Variants in ROBO2 observed in about 807,000 individuals in gnomAD.
ROBO2 encodes roundabout homolog 2.
In ROBO2, 53 loss-of-function variants were observed where a neutral mutation model predicts 160.8. The ratio of observed to expected loss-of-function variants is 0.33; its 90% CI spans 0.26 to 0.41. The LOEUF is 0.41. Ranked by LOEUF, ROBO2 falls within the 10% of genes least tolerant of loss-of-function variation. The pLI, the probability that ROBO2 is intolerant of heterozygous loss-of-function variation, is 1.00. For missense variants in ROBO2, 1,577 were observed against 1,722.4 expected, an observed-to-expected ratio of 0.92 and a Z score of 1.49; for synonymous variants, 664 against 611.7, an observed-to-expected ratio of 1.09 and a Z score of -1.26.
chr3:76,805,109 G>A (rs2064571985), intron 2 of ROBO2, among the ~76,000 whole-genome samples: 1 of 152,044 alleles, frequency 6.6e-6, no homozygotes, highest in Non-Finnish European at 1.5e-5. Context: ...AGTAGGCTCA[G>A]GGTAAATGTT....
chr3:76,069,472 A>G (rs2107946564), intron 2 of ROBO2, among the ~76,000 whole-genome samples: 1 of 151,376 alleles, frequency 6.6e-6, no homozygotes, highest in Admixed American at 6.6e-5. Context: ...ATATTGCCTT[A>G]GTTTCCTATT....
At chr3:77,263,491 T>C (rs892197098) in intron 2 of ROBO2, among the ~76,000 whole-genome samples, 3 of 152,124 alleles carry the variant, frequency 2.0e-5, no homozygotes, top group Non-Finnish European at 4.4e-5. Context: ...CACTTAGGAG[T>C]GAGAACATGT....
intron 2 of ROBO2, among the ~76,000 whole-genome samples, chr3:75,963,367 GA>G: frequency 2.0e-5 from 3 of 151,486 alleles, no homozygotes; most frequent in South Asian, 4.2e-4. Flanking sequence ...TTTTATTAAA[GA>G]AAAAAATGTG....
intron 2 of ROBO2, among the ~76,000 whole-genome samples, chr3:76,228,026 A>G (rs1704397003): frequency 6.6e-6 from 1 of 152,226 alleles, no homozygotes; most frequent in African/African-American, 2.4e-5. Context: ...GTATTGACTA[A>G]GAATCTTACA....
chr3:76,800,097 G>C (rs933695684), intron 2 of ROBO2, among the ~76,000 whole-genome samples: 1 of 152,070 alleles, frequency 6.6e-6, no homozygotes, highest in Non-Finnish European at 1.5e-5. Flanking sequence ...TTTTGACAAA[G>C]GTGTCAAGAA....
intron 2 of ROBO2, among the ~76,000 whole-genome samples, chr3:76,286,954 C>G (rs1708534319): frequency 6.6e-6 from 1 of 152,146 alleles, no homozygotes; most frequent in African/African-American, 2.4e-5. Flanking sequence ...CACATGTTTT[C>G]TTTTCTTTCT....
At chr3:76,089,154 A>G (rs183306866) in intron 2 of ROBO2, among the ~76,000 whole-genome samples, 1 of 152,062 alleles carries the variant, frequency 6.6e-6, no homozygotes, top group Non-Finnish European at 1.5e-5. Flanking sequence ...CACAATTATA[A>G]TAGGCTTATA....
intron 25 of ROBO2, among the ~76,000 whole-genome samples, chr3:77,645,226 A>G (rs1051563275): frequency 6.6e-6 from 1 of 152,216 alleles, no homozygotes; most frequent in Non-Finnish European, 1.5e-5. Flanking sequence ...TGAACACAAT[A>G]AAGAAATGGA....
intron 2 of ROBO2, among the ~76,000 whole-genome samples, chr3:76,879,875 G>C (rs919996573): frequency 3.3e-5 from 5 of 152,090 alleles, no homozygotes; most frequent in Non-Finnish European, 7.4e-5. Context: ...AAAATATATT[G>C]GGAGTGTAAT....
At chr3:76,021,792 T>A (rs1418307014) in intron 2 of ROBO2, among the ~76,000 whole-genome samples, 1 of 151,818 alleles carries the variant, frequency 6.6e-6, no homozygotes, top group African/African-American at 2.4e-5. Context: ...TTGGTCCCAA[T>A]GTTGATGGCA....
chr3:77,383,442 T>G (rs570672229), intron 2 of ROBO2, among the ~76,000 whole-genome samples: 184 of 152,240 alleles, frequency 1.2e-3, no homozygotes, highest in African/African-American at 4.1e-3. Flanking sequence ...TCTCTTTTAT[T>G]GTTTTATATA....
intron 2 of ROBO2, among the ~76,000 whole-genome samples, chr3:77,219,434 G>GTGTATATATATATATATATA (rs1553852643): frequency 2.6e-5 from 3 of 115,260 alleles, no homozygotes; most frequent in African/African-American, 6.2e-5. Flanking sequence ...GTATGTGTGT[G>GTGTATATATATATATATATA]TATATATATA....
intron 2 of ROBO2, among the ~76,000 whole-genome samples, chr3:76,490,310 G>A (rs2079745838): frequency 6.6e-6 from 1 of 152,172 alleles, no homozygotes; most frequent in Non-Finnish European, 1.5e-5. Flanking sequence ...TGATTCAATT[G>A]CAGATCAATG....
At chr3:76,009,150 T>G (rs1408075575) in intron 2 of ROBO2, among the ~76,000 whole-genome samples, 2 of 152,178 alleles carry the variant, frequency 1.3e-5, no homozygotes, top group Admixed American at 6.5e-5. Context: ...TCGCCCAGGC[T>G]GGAGTGCAGG....
At position 77,649,949 on chromosome 3, in the gene ROBO2, A is replaced by G. The variant is rs886058897; in HGVS notation, c.*3894A>G. 3.3e-5 allele frequency: 5 copies of G among 152,174 alleles called. No homozygotes were observed. Among genetic ancestry groups the G allele is most frequent in the Non-Finnish European group, 7.4e-5 (5 of 68,010 alleles). The allele number at this position is 152,174 out of a possible 1,614,324, so 9.4% of individuals were successfully genotyped here. ...TGTACTCACTGGGAAAAAATAAAAT[A>G]TATTCACATTTCAAATTTGTAGAAA... On this transcript the variant is annotated 3_prime_UTR_variant, in exon 26 of 26. Transcript: ENST00000461745.
chr3:76,858,475 G>A (rs2070382381), intron 2 of ROBO2, among the ~76,000 whole-genome samples: 1 of 152,090 alleles, frequency 6.6e-6, no homozygotes, highest in Admixed American at 6.6e-5. Context: ...CTGTTGCCCA[G>A]TTGGTCTCAA....
intron 2 of ROBO2, among the ~76,000 whole-genome samples, chr3:76,059,841 A>G (rs1471820336): frequency 6.6e-6 from 1 of 152,094 alleles, no homozygotes; most frequent in Non-Finnish European, 1.5e-5. Context: ...GTGTGAGGAA[A>G]GGATCCAGTT....
intron 2 of ROBO2, among the ~76,000 whole-genome samples, chr3:76,347,871 T>G (rs2074623590): frequency 6.6e-6 from 1 of 152,156 alleles, no homozygotes; most frequent in South Asian, 2.1e-4. Context: ...AGCAATCTAA[T>G]GTTTAAAATA....
intron 2 of ROBO2, among the ~76,000 whole-genome samples, chr3:76,965,921 CTTTTTTT>C (rs1168083048): frequency 8.8e-6 from 1 of 114,120 alleles, no homozygotes; most frequent in Non-Finnish European, 1.8e-5. Flanking sequence ...GGCATATTTT[CTTTTTTT>C]TTTTTTTTTT....
Sources: gnomAD v4.1 joint callset for allele counts (sites outside exome capture counted in the v4.1 genomes callset) on GRCh38, gnomAD v4.1.1 for gene constraint, MANE v1.5 for transcripts, NCBI Gene and HGNC (gene_info 2026-07-23, HGNC 2026-07-21) for gene names.